FMNL3: variants seen among roughly 807,000 people sequenced by gnomAD.
FMNL3 encodes formin like 3.
FMNL3 carries 57 observed loss-of-function variants against 119.6 expected under a neutral mutation model. The observed-to-expected ratio is 0.48, with a 90% confidence interval of 0.39 to 0.59. The LOEUF (loss-of-function observed/expected upper bound fraction) is 0.59. Ranked by LOEUF, FMNL3 falls within the 20% of genes least tolerant of loss-of-function variation. The pLI, the probability that FMNL3 is intolerant of heterozygous loss-of-function variation, is 0.00. For synonymous variants in FMNL3, 491 were observed against 507.3 expected (o/e 0.97, Z 0.43); for missense variants, 1,053 against 1,323.5 (o/e 0.80, Z 3.17).
intron 1 of FMNL3, among the ~76,000 whole-genome samples, chr12:49,681,502 A>T (rs1944334588): frequency 6.6e-6 from 1 of 152,044 alleles, no homozygotes; most frequent in Non-Finnish European, 1.5e-5. Context: ...GTAGCATTTT[A>T]AACTTTCCAG....
Position 49,637,135 on chromosome 12 carries a change from G to A in FMNL3, c.*8680C>T. ...CTAGGCCATGTTTATTTCCCTTGGT[G>A]GGGCACCCGACAGGCAGAGTTTATT... On this transcript the variant is annotated 3_prime_UTR_variant, in exon 26 of 26. Coordinates refer to ENST00000335154, the MANE Select transcript of FMNL3 (RefSeq NM_175736.5). The A allele has an allele frequency of 1.7e-6, 1 of 578,562 alleles. No homozygotes were observed. Among genetic ancestry groups the A allele is most frequent in the Non-Finnish European group, 3.1e-6 (1 of 326,940 alleles). The allele number at this position is 578,562 out of a possible 1,614,324, so 35.8% of individuals were successfully genotyped here. A position where few individuals can be genotyped will look rare whatever the true frequency, so the allele number is the denominator to read the frequency against.
At chr12:49,696,422 G>A (rs938374411) in intron 1 of FMNL3, among the ~76,000 whole-genome samples, 15 of 152,090 alleles carry the variant, frequency 9.9e-5, no homozygotes, top group Admixed American at 4.6e-4. Context: ...CTCAATTCTC[G>A]TTTGATTGAA....
At chr12:49,652,494 G>T (rs1943436395) in intron 13 of FMNL3, among the ~76,000 whole-genome samples, 2 of 152,156 alleles carry the variant, frequency 1.3e-5, no homozygotes, top group Non-Finnish European at 2.9e-5. Flanking sequence ...AAAAAAGGTT[G>T]CCCCTGTGAA....
chr12:49,639,539 T>C lies in FMNL3; in HGVS notation c.*6276A>G, dbSNP rs977522594. ...TTCTGAGACACTCTGGGTTTCTATG[T>C]AGGTGCCTTGAGACAAGCAAGGGTT... On this transcript the variant is annotated 3_prime_UTR_variant, in exon 26 of 26. Transcript: ENST00000335154. 6 of 152,222 alleles carry C rather than the reference T, an allele frequency of 3.9e-5. No individual in the cohort carries two copies. Among genetic ancestry groups the C allele is most frequent in the African/African-American group, 1.4e-4 (6 of 41,426 alleles). The allele number at this position is 152,222 out of a possible 1,614,324, so 9.4% of individuals were successfully genotyped here.
rs540258125 is a variant in FMNL3, at chr12:49,668,672, C to T, written c.127-118G>A. ...CTCAGACTTCACCCTGACACTCCAT[C>T]GCTGATAAGGCAGGCTTGGAAAGGT... On this transcript the variant is annotated intron_variant, in intron 1 of 25. Coordinates refer to ENST00000335154, the MANE Select transcript of FMNL3 (RefSeq NM_175736.5). The T allele has an allele frequency of 2.9e-4, 234 of 796,924 alleles. 1 individual carries two copies. The African/African-American group carries it at 3.5e-3, about 12-fold the overall frequency. 49.4% of individuals were successfully genotyped at this position (796,924 alleles called of 1,614,324 possible).
At chr12:49,656,541 T>G (rs377672961) in intron 8 of FMNL3, 44 bp from the exon 9 acceptor site, 106 of 1,541,072 alleles carry the variant, frequency 6.9e-5, no homozygotes, top group Non-Finnish European at 9.1e-5. Flanking sequence ...CTCCCCATCC[T>G]GACAACCACA....
At chr12:49,653,622 C>T (rs1388162899) in intron 12 of FMNL3, 103 bp downstream of exon 12, 1 of 1,533,082 alleles carries the variant, frequency 6.5e-7, no homozygotes, top group Non-Finnish European at 8.8e-7. Flanking sequence ...GGTTCTAAAG[C>T]CTCCCTGGGA....
chr12:49,677,484 A>G (rs1461000645), intron 1 of FMNL3, among the ~76,000 whole-genome samples: 1 of 152,190 alleles, frequency 6.6e-6, no homozygotes, highest in African/African-American at 2.4e-5. Context: ...AATAGTACTT[A>G]CCCCATAGTG....
rs771992926 is a variant in FMNL3, at chr12:49,648,271, G to A, written c.2598C>T (p.Asp866=). The A allele has an allele frequency of 1.9e-6, 3 of 1,614,042 alleles. No homozygotes were observed. The African/African-American group carries it at 4.0e-5, about 22-fold the overall frequency. Residue 866 remains aspartate, a synonymous_variant, in exon 22 of 26, where the codon GAC becomes GAT. Transcript: ENST00000335154. ...TGAGGAAGTTCCGGAGGACGCTGTTGTCATGGATGCTGCACTCACGCCGAA... is the reference window on the plus strand; with the variant it reads ...TGAGGAAGTTCCGGAGGACGCTGTTATCATGGATGCTGCACTCACGCCGAA... ...ELIRRECSIH[D]NSVLRNFLST... is the part of the protein sequence containing the mutation.
intron 9 of FMNL3, 78 bp downstream of exon 9, chr12:49,656,325 GA>G: frequency 9.0e-7 from 1 of 1,110,658 alleles, no homozygotes; most frequent in Non-Finnish European, 1.3e-6. Context: ...CAGATCACAG[GA>G]AATGGTGCTT....
intron 5 of FMNL3, among the ~76,000 whole-genome samples, chr12:49,660,241 C>G (rs977647483): frequency 1.3e-5 from 2 of 152,180 alleles, no homozygotes; most frequent in Non-Finnish European, 2.9e-5. Context: ...ACACAAAGTC[C>G]TTCTTTTTTA....
chr12:49,670,273 G>A (rs1944009090), intron 1 of FMNL3, among the ~76,000 whole-genome samples: 1 of 152,188 alleles, frequency 6.6e-6, no homozygotes, highest in Non-Finnish European at 1.5e-5. Flanking sequence ...ACTTTCGATG[G>A]AACCAAAAGA....
chr12:49,688,503 G>A (rs1287378381), intron 1 of FMNL3: 1 of 455,984 alleles, frequency 2.2e-6, no homozygotes, highest in East Asian at 6.9e-5. Context: ...TGGCCTTCTT[G>A]CAGTTCCTCA....
At chr12:49,665,999 C>T in intron 3 of FMNL3, 91 bp from the exon 4 acceptor site, 1 of 1,551,728 alleles carries the variant, frequency 6.4e-7, no homozygotes, top group Non-Finnish European at 8.9e-7. Context: ...CCCTTGGCCA[C>T]AGAACCCTGA....
Position 49,637,460 on chromosome 12 carries a change from C to A in FMNL3, c.*8355G>T. ...CTCACTCTCCCTATAACTGGCCTCT[C>A]CCTGCTCAGACCTTCCTGGACGAGC... On this transcript the variant is annotated 3_prime_UTR_variant, in exon 26 of 26. Transcript: ENST00000335154. 16 of 1,607,416 alleles carry A rather than the reference C, an allele frequency of 1.0e-5. No homozygotes were observed. Among genetic ancestry groups the A allele is most frequent in the Non-Finnish European group, 1.4e-5 (16 of 1,175,312 alleles).
intron 1 of FMNL3, among the ~76,000 whole-genome samples, chr12:49,693,720 C>T (rs1359436039): frequency 1.4e-5 from 2 of 138,710 alleles, no homozygotes; most frequent in Non-Finnish European, 1.5e-5. Flanking sequence ...GCAATCTCGG[C>T]TCACTGCAAC....
At chr12:49,678,233 C>A (rs1175324917) in intron 1 of FMNL3, among the ~76,000 whole-genome samples, 1 of 151,704 alleles carries the variant, frequency 6.6e-6, no homozygotes, top group East Asian at 1.9e-4. Context: ...TCTCGGCTCA[C>A]CACAACCTCT....
chr12:49,674,144 T>C (rs1269982537), intron 1 of FMNL3, among the ~76,000 whole-genome samples: 1 of 152,202 alleles, frequency 6.6e-6, no homozygotes, highest in African/African-American at 2.4e-5. Context: ...ACTGCTCTCC[T>C]TGCTTTGACT....
At position 49,638,698 on chromosome 12, in the gene FMNL3, G is replaced by A. The variant is rs983214458; in HGVS notation, c.*7117C>T. 2 of 152,202 alleles carry A rather than the reference G, an allele frequency of 1.3e-5. No individual in the cohort carries two copies. Among genetic ancestry groups the A allele is most frequent in the Non-Finnish European group, 2.9e-5 (2 of 68,042 alleles). 9.4% of individuals were successfully genotyped at this position (152,202 alleles called of 1,614,324 possible). A position where few individuals can be genotyped will look rare whatever the true frequency, so the allele number is the denominator to read the frequency against. ...AGTACAGTGGTTAGGAGCGGGACTGGAGGCAGACTGCCTACAGTAAAAGTC... is the reference window on the plus strand; with the variant it reads ...AGTACAGTGGTTAGGAGCGGGACTGAAGGCAGACTGCCTACAGTAAAAGTC... On this transcript the variant is annotated 3_prime_UTR_variant, in exon 26 of 26. Transcript: ENST00000335154.
Sources: allele counts gnomAD v4.1 joint callset (sites outside exome capture counted in the v4.1 genomes callset), GRCh38; gene constraint gnomAD v4.1.1; transcripts MANE v1.5; gene names NCBI Gene and HGNC (gene_info 2026-07-23, HGNC 2026-07-21).